SND1: variants seen among roughly 807,000 people sequenced by gnomAD.
The protein encoded by SND1 is staphylococcal nuclease domain-containing protein 1.
In SND1, 38 loss-of-function variants were observed where a neutral mutation model predicts 121.7. The observed-to-expected ratio is 0.31, with a 90% CI of 0.24 to 0.41. The LOEUF (loss-of-function observed/expected upper bound fraction) is 0.41. SND1 is among the 10% of genes least tolerant of loss of function. The probability of loss-of-function intolerance (pLI) is 1.00; values close to 1 mark genes in which losing one functional copy is unlikely to be tolerated. For missense variants in SND1, 868 were observed against 1,184.6 expected (o/e 0.73, Z 3.92); for synonymous variants, 401 against 447.4 (o/e 0.90, Z 1.31).
chr7:128,004,126 A>G (rs529561744), intron 16 of SND1, among the ~76,000 whole-genome samples: 5 of 149,202 alleles, frequency 3.4e-5, no homozygotes, highest in Non-Finnish European at 7.4e-5. Flanking sequence ...ATATCAACTG[A>G]TTTCTGAATG....
intron 16 of SND1, among the ~76,000 whole-genome samples, chr7:128,049,039 C>T (rs1793001474): frequency 6.6e-6 from 1 of 152,064 alleles, no homozygotes; most frequent in East Asian, 1.9e-4. Context: ...CTATTTTGGC[C>T]CCACAGTCAT....
At chr7:127,831,141 A>G (rs1052505573) in intron 11 of SND1, among the ~76,000 whole-genome samples, 6 of 152,148 alleles carry the variant, frequency 3.9e-5, no homozygotes, top group Admixed American at 2.6e-4. Context: ...AGTTTGTTCT[A>G]TTGGGAAGTC....
chr7:128,069,162 G>C (rs933363801), intron 16 of SND1, among the ~76,000 whole-genome samples: 3 of 152,214 alleles, frequency 2.0e-5, no homozygotes, highest in Non-Finnish European at 4.4e-5. Flanking sequence ...GGTATTTCAT[G>C]GGAGGACTCC....
intron 16 of SND1, among the ~76,000 whole-genome samples, chr7:128,022,025 G>C (rs1803359699): frequency 6.6e-6 from 1 of 151,990 alleles, no homozygotes; most frequent in Admixed American, 6.5e-5. Context: ...CCAGCATGGT[G>C]AAACCCCGTC....
intron 16 of SND1, among the ~76,000 whole-genome samples, chr7:128,060,898 C>T (rs1036849571): frequency 1.2e-4 from 18 of 152,216 alleles, no homozygotes; most frequent in Non-Finnish European, 2.6e-4. Flanking sequence ...AGACACTGAG[C>T]GTCTTCATTT....
At chr7:128,014,534 A>G (rs985078500) in intron 16 of SND1, among the ~76,000 whole-genome samples, 2 of 152,162 alleles carry the variant, frequency 1.3e-5, no homozygotes, top group Admixed American at 1.3e-4. Context: ...TCCCTTTCCC[A>G]AAGGCGGGTG....
At chr7:127,908,361 C>T (rs374146576) in intron 14 of SND1, among the ~76,000 whole-genome samples, 85 of 117,400 alleles carry the variant, frequency 7.2e-4, no homozygotes, top group South Asian at 1.4e-3. Flanking sequence ...TGTGTGTGTG[C>T]GTGCGTGTTG....
intron 15 of SND1, among the ~76,000 whole-genome samples, chr7:127,943,067 A>G (rs1422142340): frequency 2.6e-5 from 4 of 152,186 alleles, no homozygotes; most frequent in African/African-American, 7.2e-5. Flanking sequence ...ACATCTTACT[A>G]TTGGAATGAG....
chr7:127,807,472 T>C lies in SND1; in HGVS notation c.1153-12T>C. The C allele has an allele frequency of 1.2e-6, 2 of 1,602,082 alleles. No homozygotes were observed. The highest frequency in any genetic ancestry group is 1.7e-6 in the Non-Finnish European group (2 of 1,169,158). On this transcript the variant is annotated splice_polypyrimidine_tract_variant and intron_variant, in intron 10 of 23. Coordinates refer to ENST00000354725, the MANE Select transcript of SND1 (RefSeq NM_014390.4). ...TGTTCATTCCTGATGTCATGTTTTA[T>C]TTTACTTTTAGGATAAGAACAAGAA... is the stretch of plus-strand genomic sequence containing the variant.
At chr7:127,791,064 A>C (rs1352543332) in intron 10 of SND1, among the ~76,000 whole-genome samples, 1 of 151,986 alleles carries the variant, frequency 6.6e-6, no homozygotes, top group Non-Finnish European at 1.5e-5. Flanking sequence ...GTGGAAATTG[A>C]ATTTGATAGC....
intron 13 of SND1, among the ~76,000 whole-genome samples, chr7:127,889,485 C>T (rs1300671156): frequency 6.6e-6 from 1 of 151,784 alleles, no homozygotes; most frequent in African/African-American, 2.4e-5. Flanking sequence ...GGGTATCTGT[C>T]CTCTCAAGTA....
intron 15 of SND1, among the ~76,000 whole-genome samples, chr7:127,985,488 C>T (rs1180190584): frequency 6.6e-6 from 1 of 152,206 alleles, no homozygotes; most frequent in African/African-American, 2.4e-5. Context: ...AAACTCCTGA[C>T]CTCAAGTGAT....
At chr7:127,838,806 A>G (rs1280529333) in intron 11 of SND1, among the ~76,000 whole-genome samples, 1 of 152,154 alleles carries the variant, frequency 6.6e-6, no homozygotes, top group Non-Finnish European at 1.5e-5. Context: ...GCATGTATGT[A>G]TTTGTGTATG....
chr7:127,726,210 T>C (rs1796579854), intron 10 of SND1, among the ~76,000 whole-genome samples: 1 of 152,202 alleles, frequency 6.6e-6, no homozygotes, highest in African/African-American at 2.4e-5. Context: ...GGGTAGCCAC[T>C]TCTGGATTTT....
At chr7:127,738,291 T>C (rs1389635863) in intron 10 of SND1, among the ~76,000 whole-genome samples, 19 of 149,548 alleles carry the variant, frequency 1.3e-4, no homozygotes, top group Admixed American at 1.3e-3. Context: ...TTTTTCTTTT[T>C]TTTTTTTTTT....
At chr7:127,694,506 C>T (rs1562981089) in intron 2 of SND1, among the ~76,000 whole-genome samples, 1 of 152,096 alleles carries the variant, frequency 6.6e-6, no homozygotes, top group Non-Finnish European at 1.5e-5. Flanking sequence ...AAAGCATTGG[C>T]AAATGTTATT....
intron 10 of SND1, among the ~76,000 whole-genome samples, chr7:127,763,500 C>A (rs185255482): frequency 6.6e-6 from 1 of 152,182 alleles, no homozygotes; most frequent in Non-Finnish European, 1.5e-5. Flanking sequence ...GTGCACACTA[C>A]CATGCCCAGC....
chr7:127,847,612 T>A (rs1485329153), intron 12 of SND1, among the ~76,000 whole-genome samples: 1 of 152,210 alleles, frequency 6.6e-6, no homozygotes, highest in East Asian at 1.9e-4. Context: ...TATAGAACCT[T>A]ATATTTTTGT....
At chr7:127,770,076 C>T (rs1797487155) in intron 10 of SND1, among the ~76,000 whole-genome samples, 1 of 152,194 alleles carries the variant, frequency 6.6e-6, no homozygotes, top group Non-Finnish European at 1.5e-5. Flanking sequence ...GTGCCACTCA[C>T]CGTCACCGGT....
Sources: allele counts gnomAD v4.1 joint callset (sites outside exome capture counted in the v4.1 genomes callset), GRCh38; gene constraint gnomAD v4.1.1; transcripts MANE v1.5; gene names NCBI Gene and HGNC (gene_info 2026-07-23, HGNC 2026-07-21).